Variants in DTWD2 observed in about 807,000 individuals in gnomAD.
DTWD2 encodes tRNA-uridine aminocarboxypropyltransferase 2.
A neutral mutation model predicts 31.8 loss-of-function variants in DTWD2; 39 were observed. The ratio of observed to expected loss-of-function variants is 1.22; its 90% CI spans 0.95 to 1.60. The LOEUF is 1.60. Ranked by LOEUF, DTWD2 falls within the 40% of genes most tolerant of loss-of-function variation. The probability of loss-of-function intolerance (pLI) is 0.00; values close to 1 mark genes in which losing one functional copy is unlikely to be tolerated. For synonymous variants in DTWD2, 180 were observed against 142.8 expected (o/e 1.26, Z -1.86); for missense variants, 515 against 381.5 (o/e 1.35, Z -2.92).
chr5:118,976,424 A>G (rs1477361038), intron 1 of DTWD2, among the ~76,000 whole-genome samples: 2 of 152,184 alleles, frequency 1.3e-5, no homozygotes, highest in African/African-American at 4.8e-5. Flanking sequence ...AAAGATTAAC[A>G]AAATAGATAG....
At chr5:118,882,765 G>A (rs1161408724) in intron 4 of DTWD2, among the ~76,000 whole-genome samples, 3 of 152,234 alleles carry the variant, frequency 2.0e-5, no homozygotes, top group African/African-American at 2.4e-5. Context: ...GGGGCACAGG[G>A]CACCAAGCCC....
At chr5:118,893,680 C>T (rs1055751383) in intron 4 of DTWD2, among the ~76,000 whole-genome samples, 1 of 151,824 alleles carries the variant, frequency 6.6e-6, no homozygotes, top group Non-Finnish European at 1.5e-5. Flanking sequence ...AGAACTTTTA[C>T]CAGTTGGGTC....
chr5:118,878,855 G>T (rs1410385024), intron 4 of DTWD2, among the ~76,000 whole-genome samples: 1 of 152,038 alleles, frequency 6.6e-6, no homozygotes, highest in Non-Finnish European at 1.5e-5. Context: ...TTCAAAAGAA[G>T]ACATACATGT....
Position 118,918,803 on chromosome 5 carries a change from C to T in DTWD2, c.597+9734G>A, listed in dbSNP as rs62374079. On this transcript the variant is annotated intron_variant, in intron 4 of 5. Transcript: ENST00000510708. Reference sequence around the variant, plus strand: ...AGGGGTTCAAGACCAGCCTGGGCAACGTGGTAAGACCCTGTCTCTACCAGG... The same window carrying T: ...AGGGGTTCAAGACCAGCCTGGGCAATGTGGTAAGACCCTGTCTCTACCAGG... 9.3e-3 allele frequency among the ~76,000 whole-genome samples: 1,376 copies of T among 147,390 alleles called. 5 individuals are homozygous for T. Among genetic ancestry groups the T allele is most frequent in the Non-Finnish European group, 0.013 (886 of 67,234 alleles).
rs1039745918 is a variant in DTWD2, at chr5:118,857,960, G to C, written c.598-9742C>G. ...GGGATAGTTTACAGATGTATGAAAA[G>C]CAAGCAGAACAGAATTGAATCTTAT... is the stretch of plus-strand genomic sequence containing the variant. On this transcript the variant is annotated intron_variant, in intron 4 of 5. Transcript: ENST00000510708. 1.1e-4 allele frequency among the ~76,000 whole-genome samples: 16 copies of C among 152,282 alleles called. No individual in the cohort carries two copies. In the East Asian group the frequency reaches 1.7e-3, roughly 17 times the overall value.
At chr5:118,888,108 C>T (rs756615738) in intron 4 of DTWD2, among the ~76,000 whole-genome samples, 11 of 152,194 alleles carry the variant, frequency 7.2e-5, no homozygotes, top group Non-Finnish European at 8.8e-5. Context: ...GTAAAATTGA[C>T]ATAAACTGCA....
At chr5:118,887,822 G>A (rs1048333930) in intron 4 of DTWD2, among the ~76,000 whole-genome samples, 7 of 152,124 alleles carry the variant, frequency 4.6e-5, no homozygotes, top group Non-Finnish European at 1.0e-4. Flanking sequence ...TGGTTTTTTA[G>A]AAGAGACGAG....
At chr5:118,939,660 T>A (rs191135352) in intron 2 of DTWD2, among the ~76,000 whole-genome samples, 126 of 152,322 alleles carry the variant, frequency 8.3e-4, no homozygotes, top group African/African-American at 2.9e-3. Flanking sequence ...TGAAGATAAT[T>A]GCCTAGATCT....
chr5:118,865,982 G>A (rs990924648), intron 4 of DTWD2, among the ~76,000 whole-genome samples: 1 of 151,332 alleles, frequency 6.6e-6, no homozygotes, highest in African/African-American at 2.4e-5. Context: ...TCTAAAAGAG[G>A]TACGTGTGTC....
At chr5:118,965,608 G>A (rs1754825279) in intron 1 of DTWD2, among the ~76,000 whole-genome samples, 1 of 152,152 alleles carries the variant, frequency 6.6e-6, no homozygotes, top group Non-Finnish European at 1.5e-5. Context: ...GGATGCTGTT[G>A]GGGTATGGTG....
intron 1 of DTWD2, among the ~76,000 whole-genome samples, chr5:118,959,775 G>A (rs1754666737): frequency 1.3e-5 from 2 of 151,984 alleles, no homozygotes; most frequent in Admixed American, 1.3e-4. Flanking sequence ...TAATGGTACA[G>A]AATAGAGTAA....
intron 4 of DTWD2, among the ~76,000 whole-genome samples, chr5:118,886,796 T>C (rs1439563164): frequency 6.6e-6 from 1 of 152,162 alleles, no homozygotes. Context: ...TATCTCAAAA[T>C]AAAAAGTTTA....
At chr5:118,983,228 A>T (rs954423206) in intron 1 of DTWD2, among the ~76,000 whole-genome samples, 1 of 152,188 alleles carries the variant, frequency 6.6e-6, no homozygotes, top group African/African-American at 2.4e-5. Flanking sequence ...AGCTACAGTG[A>T]CCTGGAGAGA....
chr5:118,937,385 A>C (rs1754068275), intron 3 of DTWD2, among the ~76,000 whole-genome samples: 2 of 768 alleles, frequency 2.6e-3, no homozygotes, highest in South Asian at 0.5. Flanking sequence ...TATCACTGCA[A>C]AAAAAAAAAA....
chr5:118,893,696 G>A (rs1377388189), intron 4 of DTWD2, among the ~76,000 whole-genome samples: 1 of 151,994 alleles, frequency 6.6e-6, no homozygotes, highest in Non-Finnish European at 1.5e-5. Context: ...GGGTCAGAAA[G>A]AGGAGACTGA....
intron 1 of DTWD2, among the ~76,000 whole-genome samples, chr5:118,953,673 C>T (rs574865490): frequency 3.3e-5 from 5 of 152,286 alleles, no homozygotes; most frequent in African/African-American, 1.2e-4. Flanking sequence ...CTCCTGAGAG[C>T]ATAAAGTTAT....
rs957743968 is a variant in DTWD2 at position 118,847,691 on chromosome 5, G to C, written c.726+399C>G. Among the ~76,000 whole-genome samples, 114 of 149,736 alleles carry C rather than the reference G, an allele frequency of 7.6e-4. 1 individual carries two copies. Among genetic ancestry groups the C allele is most frequent in the Admixed American group, 1.1e-3 (16 of 15,036 alleles). ...ACAGAAAGTTAGTATACGGCACCAA[G>C]GCAAAAATAAAAATGTTGCTATAGA... On this transcript the variant is annotated intron_variant, in intron 5 of 5. Transcript: ENST00000510708.
Position 118,839,165 on chromosome 5 carries a change from T to TAAC in DTWD2, c.*1751_*1752insGTT, listed in dbSNP as rs527876803. The TAAC allele has an allele frequency of 1.6e-5, 2 of 122,492 alleles. No individual in the cohort carries two copies. Among genetic ancestry groups the TAAC allele is most frequent in the East Asian group, 3.9e-4 (2 of 5,170 alleles). 7.6% of individuals were successfully genotyped at this position (122,492 alleles called of 1,614,324 possible). A position where few individuals can be genotyped will look rare whatever the true frequency, so the allele number is the denominator to read the frequency against. On this transcript the variant is annotated 3_prime_UTR_variant, in exon 6 of 6. Coordinates refer to ENST00000510708, the MANE Select transcript of DTWD2 (RefSeq NM_173666.4). ...CGACAGAGCGAGATTCCATCTCAAA[T>TAAC]AATAATAATAATAATAATAATGACT...
chr5:118,874,098 C>G (rs1752569196), intron 4 of DTWD2, among the ~76,000 whole-genome samples: 1 of 152,188 alleles, frequency 6.6e-6, no homozygotes, highest in South Asian at 2.1e-4. Context: ...AGCATTGGCC[C>G]TGTAAAAACT....
Sources: allele counts gnomAD v4.1 joint callset (sites outside exome capture counted in the v4.1 genomes callset), GRCh38; gene constraint gnomAD v4.1.1; transcripts MANE v1.5; gene names NCBI Gene and HGNC (gene_info 2026-07-23, HGNC 2026-07-21).